Variants in EVA1A observed in about 807,000 individuals in gnomAD.
EVA1A encodes the protein eva-1 homolog A, regulator of programmed cell death, also known as protein eva-1 homolog A.
Under a neutral mutation model 9.8 loss-of-function variants are expected in EVA1A, and 7 were observed. The ratio of observed to expected loss-of-function variants is 0.71; its 90% CI spans 0.41 to 1.34. EVA1A has a LOEUF of 1.34. Ranked by LOEUF, EVA1A falls within the 40% of genes most tolerant of loss-of-function variation. EVA1A has a pLI of 0.01. For synonymous variants in EVA1A, 90 were observed against 85.6 expected, an observed-to-expected ratio of 1.05 and a Z score of -0.28; for missense variants, 206 against 205.9, an observed-to-expected ratio of 1.00 and a Z score of 0.00.
chr2:75,500,768 G>A (rs980482292), intron 3 of EVA1A, among the ~76,000 whole-genome samples: 3 of 115,734 alleles, frequency 2.6e-5, no homozygotes, highest in African/African-American at 1.0e-4. Context: ...TCCCCTTTCT[G>A]CCTGAGGCTC....
intron 2 of EVA1A, among the ~76,000 whole-genome samples, chr2:75,519,060 A>T (rs1675140981): frequency 6.6e-6 from 1 of 152,200 alleles, no homozygotes; most frequent in Admixed American, 6.5e-5. Context: ...TTGGGATCTC[A>T]GTGCTCCAGC....
At chr2:75,547,180 T>A (rs1302698289) in intron 1 of EVA1A, among the ~76,000 whole-genome samples, 1 of 152,214 alleles carries the variant, frequency 6.6e-6, no homozygotes, top group African/African-American at 2.4e-5. Context: ...CCTCCCTACG[T>A]GCATTCCCTT....
chr2:75,559,174 A>G (rs989471565), intron 1 of EVA1A, among the ~76,000 whole-genome samples: 3 of 152,042 alleles, frequency 2.0e-5, no homozygotes, highest in Admixed American at 6.6e-5. Flanking sequence ...GGAGTGGGGG[A>G]GGGGGGAGAT....
At chr2:75,533,894 C>G (rs1675775401) in intron 1 of EVA1A, among the ~76,000 whole-genome samples, 1 of 151,996 alleles carries the variant, frequency 6.6e-6, no homozygotes, top group Non-Finnish European at 1.5e-5. Flanking sequence ...TCACTGCAAG[C>G]TCCGCCTCCC....
At position 75,493,416 on chromosome 2, in the gene EVA1A, G is replaced by C. The variant is rs770792908; in HGVS notation, c.279C>G (p.Ser93=). 13 of 1,614,078 alleles carry C rather than the reference G, an allele frequency of 8.1e-6. 1 individual carries two copies. In the African/African-American group the frequency reaches 9.3e-5, roughly 12 times the overall value. Residue 93 remains serine, a synonymous_variant, in exon 4 of 4, where the codon TCC becomes TCG. Coordinates refer to ENST00000393913, the MANE Select transcript of EVA1A (RefSeq NM_001135032.2). ...GGCGGTGTCTCCGCACGGAGAGATC[G>C]GACACGGTGTCCTCACTGCCATCCT... ...DSEDGSEDTV[S]DLSVRRHRRF... is the part of the protein sequence containing the mutation.
At chr2:75,557,249 G>A (rs887882319) in intron 1 of EVA1A, among the ~76,000 whole-genome samples, 6 of 152,176 alleles carry the variant, frequency 3.9e-5, no homozygotes, top group African/African-American at 1.2e-4. Flanking sequence ...AAGTGGGCTC[G>A]GTTTTCAAAG....
At chr2:75,556,694 T>C (rs1676722300) in intron 1 of EVA1A, among the ~76,000 whole-genome samples, 1 of 152,130 alleles carries the variant, frequency 6.6e-6, no homozygotes, top group Admixed American at 6.5e-5. Context: ...GGGACCAGTT[T>C]CCTAGAAGAC....
intron 1 of EVA1A, chr2:75,540,948 G>C (rs1392768328): frequency 6.6e-6 from 1 of 152,204 alleles, no homozygotes; most frequent in Non-Finnish European, 1.5e-5. Flanking sequence ...CAAAAACCTG[G>C]GACGCAGCAT....
chr2:75,528,193 A>T (rs1000147106), intron 1 of EVA1A, among the ~76,000 whole-genome samples: 8 of 152,170 alleles, frequency 5.3e-5, no homozygotes, highest in African/African-American at 1.9e-4. Flanking sequence ...ACGGGGAGAA[A>T]GAGACTTGCA....
chr2:75,527,471 T>C, intron 1 of EVA1A, among the ~76,000 whole-genome samples: 1 of 152,122 alleles, frequency 6.6e-6, no homozygotes. Context: ...AGGACTCTCA[T>C]CACTACCAGT....
intron 3 of EVA1A, among the ~76,000 whole-genome samples, chr2:75,509,589 G>T (rs938660865): frequency 6.6e-6 from 1 of 152,042 alleles, no homozygotes; most frequent in African/African-American, 2.4e-5. Flanking sequence ...GTTTTGATCC[G>T]TTCTTTCACC....
chr2:75,496,305 G>C (rs368224599), intron 3 of EVA1A, among the ~76,000 whole-genome samples: 1 of 152,080 alleles, frequency 6.6e-6, no homozygotes, highest in Non-Finnish European at 1.5e-5. Flanking sequence ...CTGCCAAAAG[G>C]CTCCTCAAAC....
intron 3 of EVA1A, among the ~76,000 whole-genome samples, chr2:75,496,193 G>T (rs1572941653): frequency 3.3e-5 from 5 of 151,968 alleles, no homozygotes; most frequent in African/African-American, 1.2e-4. Context: ...GAGCAATTAG[G>T]CAAGAGAAAA....
intron 3 of EVA1A, among the ~76,000 whole-genome samples, chr2:75,517,251 A>G (rs1675042337): frequency 6.6e-6 from 1 of 152,178 alleles, no homozygotes; most frequent in African/African-American, 2.4e-5. Flanking sequence ...AGAATTAGAA[A>G]GTAAAACTAG....
intron 1 of EVA1A, among the ~76,000 whole-genome samples, chr2:75,553,442 T>C (rs1166843067): frequency 6.6e-6 from 1 of 152,228 alleles, no homozygotes; most frequent in Non-Finnish European, 1.5e-5. Context: ...CAGCAAAACA[T>C]TGCATTACTA....
chr2:75,500,154 T>G (rs1572945156), intron 3 of EVA1A, among the ~76,000 whole-genome samples: 1 of 152,126 alleles, frequency 6.6e-6, no homozygotes, highest in African/African-American at 2.4e-5. Flanking sequence ...GTTCCAAATA[T>G]TGAAAAATTG....
chr2:75,528,885 C>T (rs1044241785), intron 1 of EVA1A, among the ~76,000 whole-genome samples: 9 of 152,174 alleles, frequency 5.9e-5, no homozygotes, highest in Non-Finnish European at 1.2e-4. Flanking sequence ...ACAGAACAAC[C>T]CTGCTCCAAG....
chr2:75,541,918 T>C (rs919679997), intron 1 of EVA1A: 2 of 152,170 alleles, frequency 1.3e-5, no homozygotes, highest in Non-Finnish European at 2.9e-5. Context: ...CAATCTCATA[T>C]AGTGGTGTGA....
chr2:75,545,295 TA>T (rs199908841), intron 1 of EVA1A, among the ~76,000 whole-genome samples: 1 of 151,904 alleles, frequency 6.6e-6, no homozygotes, highest in South Asian at 2.1e-4. Context: ...AGCTTGAGAA[TA>T]AAAAAAATGC....
Sources: allele counts gnomAD v4.1 joint callset (sites outside exome capture counted in the v4.1 genomes callset), GRCh38; gene constraint gnomAD v4.1.1; transcripts MANE v1.5; gene names NCBI Gene and HGNC (gene_info 2026-07-23, HGNC 2026-07-21).